The following TRIM9 variants were observed in gnomAD, a reference collection of about 807,000 sequenced individuals.
The protein encoded by TRIM9 is E3 ubiquitin-protein ligase TRIM9.
Under a neutral mutation model 78.3 loss-of-function variants are expected in TRIM9, and 26 were observed. That is an observed-to-expected ratio of 0.33 (90% CI 0.24 to 0.46). TRIM9 has a LOEUF of 0.46. TRIM9 is among the 20% of genes least tolerant of loss of function. The pLI is 1.00. For missense variants in TRIM9, 787 were observed against 1,036.4 expected (o/e 0.76, Z 3.30); for synonymous variants, 398 against 416.5 (o/e 0.96, Z 0.54).
At chr14:51,046,726 C>T (rs1303855463) in intron 1 of TRIM9, among the ~76,000 whole-genome samples, 1 of 152,148 alleles carries the variant, frequency 6.6e-6, no homozygotes, top group Non-Finnish European at 1.5e-5. Flanking sequence ...TCTGGCTTTC[C>T]CATGTATTAC....
chr14:51,082,724 T>G (rs1046771276), intron 1 of TRIM9, among the ~76,000 whole-genome samples: 7 of 152,214 alleles, frequency 4.6e-5, no homozygotes, highest in Admixed American at 3.9e-4. Context: ...TTAAAACTAT[T>G]GAATTACACA....
chr14:50,982,511 A>G (rs1012037680), intron 10 of TRIM9, among the ~76,000 whole-genome samples: 2 of 152,164 alleles, frequency 1.3e-5, no homozygotes, highest in African/African-American at 4.8e-5. Context: ...TAGATGGAGG[A>G]GGGATAAAAC....
intron 2 of TRIM9, 21 bp from the exon 3 acceptor site, chr14:51,022,978 C>T (rs759403634): frequency 6.2e-7 from 1 of 1,613,066 alleles, no homozygotes; most frequent in South Asian, 1.1e-5. Context: ...GAGCACATTT[C>T]TCAACTGCAA....
chr14:51,003,656 A>G (rs1028664317), intron 5 of TRIM9, among the ~76,000 whole-genome samples: 1 of 152,080 alleles, frequency 6.6e-6, no homozygotes, highest in Non-Finnish European at 1.5e-5. Context: ...TAAAAAAAAA[A>G]GGCTAGACTC....
chr14:51,063,557 C>T (rs868859449), intron 1 of TRIM9, among the ~76,000 whole-genome samples: 13 of 151,770 alleles, frequency 8.6e-5, no homozygotes, highest in Admixed American at 2.6e-4. Context: ...AGTCAAAGTC[C>T]TAAAAACCAA....
intron 1 of TRIM9, among the ~76,000 whole-genome samples, chr14:51,031,886 A>C (rs1322485612): frequency 6.6e-6 from 1 of 150,624 alleles, no homozygotes; most frequent in Non-Finnish European, 1.5e-5. Flanking sequence ...AAGCCAGCAC[A>C]TCTCTCATAT....
chr14:51,089,333 T>G (rs2064094077), intron 1 of TRIM9: 1 of 152,256 alleles, frequency 6.6e-6, no homozygotes, highest in African/African-American at 2.4e-5. Context: ...AAAGTTAAGT[T>G]GTATGTGTAT....
At chr14:51,014,075 C>A (rs1456006432) in intron 3 of TRIM9, among the ~76,000 whole-genome samples, 1 of 152,134 alleles carries the variant, frequency 6.6e-6, no homozygotes. Context: ...CACTATAACC[C>A]AGAGTCAGTC....
intron 2 of TRIM9, among the ~76,000 whole-genome samples, chr14:51,024,696 G>A (rs1201231042): frequency 2.0e-5 from 3 of 152,126 alleles, no homozygotes; most frequent in Admixed American, 2.0e-4. Flanking sequence ...AGGGGATCAT[G>A]GTTGAAAAAT....
In TRIM9 at chr14:51,094,838, G is replaced by A. The variant is rs1199152427; in HGVS notation, c.102C>T (p.Ala34=). ...CTGGGGTCTGCACCAGGATGTTGCG[G>A]GCGCACGCCTGACACAAATTGTGAG... ...PCSHNLCQAC[A]RNILVQTPES... The change falls in exon 1 of 13, where the codon GCC becomes GCT. Residue 34 remains alanine (A), a synonymous_variant. Coordinates refer to ENST00000684578, the MANE Select transcript of TRIM9 (RefSeq NM_001387360.1). The A allele has an allele frequency of 6.5e-7, 1 of 1,533,280 alleles. No homozygotes were observed. 95.0% of individuals were successfully genotyped at this position (1,533,280 alleles called of 1,614,324 possible). A position where few individuals can be genotyped will look rare whatever the true frequency, so the allele number is the denominator to read the frequency against.
At chr14:51,059,820 CACAAAAAA>C (rs1489805675) in intron 1 of TRIM9, among the ~76,000 whole-genome samples, 1 of 147,830 alleles carries the variant, frequency 6.8e-6, no homozygotes, top group Non-Finnish European at 1.5e-5. Flanking sequence ...ACAAAAAAAA[CACAAAAAA>C]ACAAAAAAAC....
intron 1 of TRIM9, chr14:51,089,853 T>C (rs1347467568): frequency 6.6e-6 from 1 of 152,218 alleles, no homozygotes; most frequent in Non-Finnish European, 1.5e-5. Context: ...AATTGTTGAC[T>C]GGTGAGACAT....
Position 50,998,133 on chromosome 14 carries a change from C to G in TRIM9, c.1520G>C (p.Ser507Thr). Residue 507 changes from serine to threonine, a missense_variant, in exon 7 of 13, where the codon AGC becomes ACC. Around this residue, in one of 3 missense-constraint regions of TRIM9, gnomAD observed 421 missense variants for 514.3 expected, o/e 0.82. Coordinates refer to ENST00000684578, the MANE Select transcript of TRIM9 (RefSeq NM_001387360.1). Reference protein sequence around the residue: ...MCTVDGLHFNSTYNARVKAFN... With the variant: ...MCTVDGLHFNTTYNARVKAFN... Reference sequence around the variant, plus strand: ...GGCCTTGACCCGAGCGTTGTATGTGCTGTTGAAGTGAAGACCATCCACAGT... The same window carrying G: ...GGCCTTGACCCGAGCGTTGTATGTGGTGTTGAAGTGAAGACCATCCACAGT... 1 of 1,614,188 alleles carries G rather than the reference C, an allele frequency of 6.2e-7. No individual in the cohort carries two copies. Among genetic ancestry groups the G allele is most frequent in the South Asian group, 1.1e-5 (1 of 91,086 alleles).
At chr14:50,978,742 G>T in intron 12 of TRIM9, 1 of 273,510 alleles carries the variant, frequency 3.7e-6, no homozygotes, top group Non-Finnish European at 5.4e-6. Flanking sequence ...GTTCTATGAA[G>T]GCAAGATTTT....
chr14:51,005,211 T>A (rs1484374488), intron 5 of TRIM9, among the ~76,000 whole-genome samples: 1 of 152,176 alleles, frequency 6.6e-6, no homozygotes, highest in Non-Finnish European at 1.5e-5. Context: ...GCTAACCCTC[T>A]GGCAGCTTTC....
At chr14:51,045,057 GA>G (rs74336842) in intron 1 of TRIM9, among the ~76,000 whole-genome samples, 43,649 of 151,240 alleles carry the variant, frequency 0.29, 7,403 homozygotes, top group South Asian at 0.53. Context: ...TGAAAATATG[GA>G]AAAAAAAATC....
intron 1 of TRIM9, among the ~76,000 whole-genome samples, chr14:51,065,625 G>A (rs2061671516): frequency 1.3e-5 from 2 of 152,188 alleles, no homozygotes; most frequent in African/African-American, 2.4e-5. Context: ...TTGAGATGAA[G>A]GTTAGATTTA....
At chr14:51,008,825 T>C (rs2056191326) in intron 5 of TRIM9, among the ~76,000 whole-genome samples, 1 of 152,244 alleles carries the variant, frequency 6.6e-6, no homozygotes, top group Admixed American at 6.5e-5. Context: ...TGCTTTCCTC[T>C]TTTTGTGTCA....
chr14:51,088,441 G>A (rs1281018935), intron 1 of TRIM9, among the ~76,000 whole-genome samples: 2 of 152,186 alleles, frequency 1.3e-5, no homozygotes, highest in Non-Finnish European at 2.9e-5. Flanking sequence ...TGGAAAACTC[G>A]TGGGAGCAGA....
Sources: gnomAD v4.1 joint callset for allele counts (sites outside exome capture counted in the v4.1 genomes callset) on GRCh38, gnomAD v4.1.1 for gene constraint, gnomAD v4.1.1 regional missense constraint, MANE v1.5 for transcripts, NCBI Gene and HGNC (gene_info 2026-07-23, HGNC 2026-07-21) for gene names.